The following FBXL18 variants were observed in gnomAD, a reference collection of about 807,000 sequenced individuals.
FBXL18 encodes F-box/LRR-repeat protein 18.
FBXL18 carries 36 observed loss-of-function variants against 46.0 expected under a neutral mutation model. The observed-to-expected ratio is 0.78, with a 90% confidence interval of 0.60 to 1.03. The LOEUF (loss-of-function observed/expected upper bound fraction) is 1.03, where lower values mean the gene tolerates loss of function less well. Among genes scored for constraint, FBXL18 ranks in the 50% least tolerant of loss-of-function variants. The probability of loss-of-function intolerance (pLI) is 0.00; values close to 1 mark genes in which losing one functional copy is unlikely to be tolerated. For missense variants in FBXL18, 977 were observed against 1,004.1 expected, an observed-to-expected ratio of 0.97 and a Z score of 0.36; for synonymous variants, 557 against 465.3, an observed-to-expected ratio of 1.20 and a Z score of -2.54.
intron 2 of FBXL18, among the ~76,000 whole-genome samples, chr7:5,504,252 A>G (rs1784338199): frequency 6.6e-6 from 1 of 151,530 alleles, no homozygotes; most frequent in Non-Finnish European, 1.5e-5. Flanking sequence ...CAACATGATG[A>G]AACCCTGCCT....
At position 5,480,348 on chromosome 7, in the gene FBXL18, G is replaced by A. The variant is rs1783608149; in HGVS notation, c.*1427C>T. 1 of 152,116 alleles carries A rather than the reference G, an allele frequency of 6.6e-6. No homozygotes were observed. The allele number at this position is 152,116 out of a possible 1,614,324, so 9.4% of individuals were successfully genotyped here. A position where few individuals can be genotyped will look rare whatever the true frequency, so the allele number is the denominator to read the frequency against. On this transcript the variant is annotated 3_prime_UTR_variant, in exon 5 of 5. Transcript: ENST00000382368. ...GACAGCTCTAGGAGCGCCTGGAGGT[G>A]GAGGACGGCAGAAGCGGCCACCGTG...
intron 4 of FBXL18, among the ~76,000 whole-genome samples, chr7:5,483,241 G>C (rs1476786478): frequency 1.3e-5 from 2 of 151,804 alleles, no homozygotes; most frequent in Non-Finnish European, 2.9e-5. Context: ...AGGGGTTTGA[G>C]ACCAGCCTGG....
chr7:5,502,104 C>T (rs889817967), intron 2 of FBXL18, 73 bp from the exon 3 acceptor site: 87 of 1,076,044 alleles, frequency 8.1e-5, no homozygotes, highest in Non-Finnish European at 1.0e-4. Context: ...ACCCTCAGTG[C>T]GCACACTCCC....
At chr7:5,487,359 T>C (rs1419417367) in intron 4 of FBXL18, among the ~76,000 whole-genome samples, 3 of 152,222 alleles carry the variant, frequency 2.0e-5, no homozygotes, top group African/African-American at 7.2e-5. Flanking sequence ...GAGAAAGGCT[T>C]TCAGCAGCCC....
intron 1 of FBXL18, among the ~76,000 whole-genome samples, chr7:5,510,656 AG>A (rs1784509305): frequency 6.6e-6 from 1 of 150,466 alleles, no homozygotes; most frequent in Non-Finnish European, 1.5e-5. Flanking sequence ...ACTGCACTCC[AG>A]CCTGGGCAAC....
chr7:5,498,609 C>T (rs984746402), intron 3 of FBXL18, among the ~76,000 whole-genome samples: 2 of 152,026 alleles, frequency 1.3e-5, no homozygotes, highest in Admixed American at 1.3e-4. Context: ...CTCACTCTGT[C>T]ACCCAGGCTG....
At chr7:5,494,272 C>CAA (rs1171789679) in intron 3 of FBXL18, among the ~76,000 whole-genome samples, 2 of 118,298 alleles carry the variant, frequency 1.7e-5, no homozygotes, top group African/African-American at 3.1e-5. Context: ...AACTCCATCT[C>CAA]AAAAAAAAAA....
At chr7:5,508,860 G>A (rs2128238975) in intron 1 of FBXL18, among the ~76,000 whole-genome samples, 1 of 152,234 alleles carries the variant, frequency 6.6e-6, no homozygotes, top group Non-Finnish European at 1.5e-5. Flanking sequence ...CACGTGGTAA[G>A]AATGAGAACT....
intron 3 of FBXL18, among the ~76,000 whole-genome samples, chr7:5,493,056 C>T (rs1231433449): frequency 6.6e-6 from 1 of 152,140 alleles, no homozygotes; most frequent in Non-Finnish European, 1.5e-5. Context: ...CAAGTCACGG[C>T]GGGCATGGTG....
chr7:5,502,882 T>G (rs6463489), intron 2 of FBXL18, among the ~76,000 whole-genome samples: 1 of 151,532 alleles, frequency 6.6e-6, no homozygotes, highest in African/African-American at 2.4e-5. Context: ...AAGCTAAACA[T>G]AGGGCTACCA....
At chr7:5,487,558 C>A (rs1458086267) in intron 4 of FBXL18, among the ~76,000 whole-genome samples, 2 of 152,236 alleles carry the variant, frequency 1.3e-5, no homozygotes, top group Non-Finnish European at 2.9e-5. Flanking sequence ...ACTCCCATCC[C>A]TCCAGCACTC....
intron 4 of FBXL18, among the ~76,000 whole-genome samples, chr7:5,463,712 A>ATATATATT (rs1783292419): frequency 3.5e-5 from 2 of 56,472 alleles, no homozygotes; most frequent in African/African-American, 7.4e-5. Flanking sequence ...ATATTTATTT[A>ATATATATT]TTTATTTATT....
chr7:5,498,390 C>G lies in FBXL18; in HGVS notation c.1781+2098G>C, dbSNP rs957214732. ...CGTGAGCCACGGCGCCCGGCCGAGG[C>G]CATTTTGATTTTTACTTTAAAGGCT... On this transcript the variant is annotated intron_variant, in intron 3 of 4. Coordinates refer to ENST00000382368, the MANE Select transcript of FBXL18 (RefSeq NM_024963.6). Among the ~76,000 whole-genome samples, 3 of 151,866 alleles carry G rather than the reference C, an allele frequency of 2.0e-5. No homozygotes were observed. In the South Asian group the frequency reaches 6.3e-4, roughly 32 times the overall value.
At chr7:5,470,713 CCCCTTCCCG>C (rs1562676015) in intron 4 of FBXL18, among the ~76,000 whole-genome samples, 1 of 20,534 alleles carries the variant, frequency 4.9e-5, no homozygotes, top group Admixed American at 4.4e-4. Context: ...GGGGAGATGT[CCCCTTCCCG>C]GGGGGGAGAT....
At chr7:5,495,426 C>T (rs927270254) in intron 3 of FBXL18, among the ~76,000 whole-genome samples, 3 of 152,214 alleles carry the variant, frequency 2.0e-5, no homozygotes, top group African/African-American at 4.8e-5. Flanking sequence ...CGCCCTCCAC[C>T]GCAAGCAGGG....
chr7:5,474,679 C>A (rs1163981795), downstream of FBXL18, among the ~76,000 whole-genome samples: 1 of 129,710 alleles, frequency 7.7e-6, no homozygotes, highest in Non-Finnish European at 1.7e-5. Flanking sequence ...AAATTATGCA[C>A]TTTATTTTTT....
Position 5,500,954 on chromosome 7 carries a change from G to A in FBXL18, c.1315C>T (p.Pro439Ser). 1 of 1,537,618 alleles carries A rather than the reference G, an allele frequency of 6.5e-7. No homozygotes were observed. Among genetic ancestry groups the A allele is most frequent in the Non-Finnish European group, 8.7e-7 (1 of 1,146,876 alleles). The stretch of plus-strand genomic sequence containing the variant: ...CCGCGCGGCACTGCGTGCATGGCCG[G>A]CTGGGCGGGCGCGCGGTCGGCGCGC... Reference protein sequence around the residue: ...APRADRAPAQPAMHAVPRGFG... With the variant: ...APRADRAPAQSAMHAVPRGFG... Residue 439 changes from proline to serine, a missense_variant, in exon 3 of 5, where the codon CCG (proline) becomes TCG (serine). Physicochemically the swap from Pro to Ser is moderately conservative, Grantham distance 74. Transcript: ENST00000382368.
At chr7:5,513,543 C>T (rs1182861392) in intron 1 of FBXL18, 114 bp downstream of exon 1, 28 of 1,187,170 alleles carry the variant, frequency 2.4e-5, no homozygotes, top group Non-Finnish European at 3.1e-5. Context: ...AAGGACGGGG[C>T]GGGGTAGGGG....
rs1455661561 is a variant in FBXL18 at position 5,480,107 on chromosome 7, C to T, written c.*1668G>A. Among the ~76,000 whole-genome samples the T allele has an allele frequency of 6.6e-6, 1 of 152,216 alleles. No homozygotes were observed. The highest frequency in any genetic ancestry group is 1.5e-5 in the Non-Finnish European group (1 of 68,042). ...GCTGAAAACCATCCCCACTCAGGGG[C>T]AGGGCCGGTGATTGGAGGCCTGGGG... On this transcript the variant is annotated 3_prime_UTR_variant, in exon 5 of 5. Transcript: ENST00000382368.
Sources: gnomAD v4.1 joint callset for allele counts (sites outside exome capture counted in the v4.1 genomes callset) on GRCh38, gnomAD v4.1.1 for gene constraint, MANE v1.5 for transcripts, NCBI Gene and HGNC (gene_info 2026-07-23, HGNC 2026-07-21) for gene names.